Variants in PAK1 observed in about 807,000 individuals in gnomAD.
PAK1 encodes the protein p21 (RAC1) activated kinase 1.
PAK1 carries 29 observed loss-of-function variants against 67.4 expected under a neutral mutation model. The observed-to-expected ratio is 0.43, with a 90% CI of 0.32 to 0.59. The LOEUF is 0.59. Among genes scored for constraint, PAK1 ranks in the 20% least tolerant of loss-of-function variants. The probability of loss-of-function intolerance (pLI) is 0.07; values close to 1 mark genes in which losing one functional copy is unlikely to be tolerated. For missense variants in PAK1, 337 were observed against 670.7 expected (o/e 0.50, Z 5.50); for synonymous variants, 223 against 237.4 (o/e 0.94, Z 0.56).
At chr11:77,355,013 T>C (rs1484238208) in intron 7 of PAK1, among the ~76,000 whole-genome samples, 1 of 152,106 alleles carries the variant, frequency 6.6e-6, no homozygotes, top group Non-Finnish European at 1.5e-5. Flanking sequence ...GGCAGTATGC[T>C]CTACTTACAG....
the PAK1 span, among the ~76,000 whole-genome samples, chr11:77,514,323 A>G: frequency 6.6e-6 from 1 of 151,996 alleles, no homozygotes; most frequent in Non-Finnish European, 1.5e-5. Flanking sequence ...GTGAAACCTC[A>G]TCTCTACTGA....
In PAK1 at chr11:77,358,748, C is replaced by CCTTTAGTCAAGGTA. The variant is rs1345798987; in HGVS notation, c.597+136_597+149dup. 5 of 743,950 alleles carry CCTTTAGTCAAGGTA rather than the reference C, an allele frequency of 6.7e-6. No homozygotes were observed. The Admixed American group carries it at 1.2e-4, about 17-fold the overall frequency. The allele number at this position is 743,950 out of a possible 1,614,324, so 46.1% of individuals were successfully genotyped here. ...TTTGTCTTTAATCATACAGAAAGTA[C>CCTTTAGTCAAGGTA]CTTTAGTCAAGGTAGTTCAGTGATT... On this transcript the variant is annotated intron_variant, in intron 6 of 14. Transcript: ENST00000356341.
At chr11:77,415,636 T>C (rs1376974135) in intron 1 of PAK1, among the ~76,000 whole-genome samples, 1 of 151,856 alleles carries the variant, frequency 6.6e-6, no homozygotes, top group African/African-American at 2.4e-5. Flanking sequence ...ACAGTACATA[T>C]GTAAAGGGCA....
intron 11 of PAK1, 143 bp from the exon 12 acceptor site, chr11:77,337,566 C>T: frequency 2.2e-6 from 1 of 461,688 alleles, no homozygotes. Context: ...TGCCCCAAAT[C>T]AATCGCAGAG....
At chr11:77,421,346 T>C (rs181409410) in intron 1 of PAK1, among the ~76,000 whole-genome samples, 355 of 152,344 alleles carry the variant, frequency 2.3e-3, no homozygotes, top group Non-Finnish European at 3.8e-3. Context: ...CCTTCAAGTC[T>C]CTGCTGAAAT....
chr11:77,529,643 G>A, the PAK1 span, among the ~76,000 whole-genome samples: 2 of 152,198 alleles, frequency 1.3e-5, no homozygotes, highest in Non-Finnish European at 2.9e-5. Flanking sequence ...ATGCCCAGAA[G>A]GCTCTTGGAA....
intron 6 of PAK1, 182 bp from the exon 7 acceptor site, chr11:77,356,024 T>G (rs912669037): frequency 1.9e-6 from 1 of 529,032 alleles, no homozygotes; most frequent in African/African-American, 1.9e-5. Flanking sequence ...AAAATGGCCT[T>G]CCTTACTCTC....
At chr11:77,483,419 C>G in the PAK1 span, among the ~76,000 whole-genome samples, 6 of 152,126 alleles carry the variant, frequency 3.9e-5, no homozygotes, top group African/African-American at 1.4e-4. Context: ...TTTAGCACAC[C>G]AGTCTATCAA....
At chr11:77,332,696 T>C (rs1941927819) in intron 14 of PAK1, 34 bp downstream of exon 14, 1 of 1,592,184 alleles carries the variant, frequency 6.3e-7, no homozygotes. Flanking sequence ...AGTGATTCCC[T>C]GAATTAGGTG....
intron 1 of PAK1, among the ~76,000 whole-genome samples, chr11:77,446,502 A>T (rs1385968691): frequency 8.0e-6 from 1 of 124,756 alleles, no homozygotes; most frequent in Admixed American, 8.9e-5. Context: ...AAACAGCGAG[A>T]CCCTGTCTCA....
the PAK1 span, among the ~76,000 whole-genome samples, chr11:77,488,932 A>C: frequency 6.6e-6 from 1 of 152,206 alleles, no homozygotes; most frequent in South Asian, 2.1e-4. Flanking sequence ...AGATATCAAT[A>C]TTCAAGTACA....
intron 1 of PAK1, among the ~76,000 whole-genome samples, chr11:77,445,559 G>A (rs1450051627): frequency 2.0e-5 from 3 of 152,148 alleles, no homozygotes; most frequent in Non-Finnish European, 4.4e-5. Context: ...AAGGTATTCA[G>A]GAAACATTTG....
Position 77,462,143 on chromosome 11 carries a change from G to A in PAK1, c.-22+11409C>T, listed in dbSNP as rs181979560. Among the ~76,000 whole-genome samples, 574 of 151,916 alleles carry A rather than the reference G, an allele frequency of 3.8e-3. 6 individuals are homozygous for A. Among genetic ancestry groups the A allele is most frequent in the African/African-American group, 0.013 (535 of 41,418 alleles). ...AGATCGAGACCATCCTGGCTAACAC[G>A]GTGAAACCCCTTCTCTACTAAAAAT... On this transcript the variant is annotated intron_variant, in intron 1 of 14. Transcript: ENST00000356341.
intron 1 of PAK1, among the ~76,000 whole-genome samples, chr11:77,452,047 ACTACGTT>A (rs1304198477): frequency 2.0e-5 from 3 of 152,226 alleles, no homozygotes; most frequent in Non-Finnish European, 1.5e-5. Context: ...CAAAGAAAAA[ACTACGTT>A]CACAGAAATT....
chr11:77,468,777 C>T (rs1957715969), intron 1 of PAK1, among the ~76,000 whole-genome samples: 1 of 152,056 alleles, frequency 6.6e-6, no homozygotes, highest in South Asian at 2.1e-4. Context: ...GTTTAAAAGG[C>T]AATATGTTAT....
chr11:77,410,252 C>A (rs1037027124), intron 1 of PAK1, among the ~76,000 whole-genome samples: 1 of 152,182 alleles, frequency 6.6e-6, no homozygotes, highest in Non-Finnish European at 1.5e-5. Context: ...CATTCTTGCT[C>A]TCCTCCCACT....
intron 1 of PAK1, among the ~76,000 whole-genome samples, chr11:77,398,880 G>T (rs1179458838): frequency 1.3e-5 from 2 of 152,150 alleles, no homozygotes; most frequent in Admixed American, 6.5e-5. Context: ...GTCAAATCTA[G>T]CCAATGGCAA....
At chr11:77,399,304 CA>C (rs1174614196) in intron 1 of PAK1, among the ~76,000 whole-genome samples, 1 of 152,078 alleles carries the variant, frequency 6.6e-6, no homozygotes, top group African/African-American at 2.4e-5. Context: ...TAGAACAGTA[CA>C]AACAGTAAAA....
chr11:77,420,586 C>A (rs995069942), intron 1 of PAK1, among the ~76,000 whole-genome samples: 2 of 152,212 alleles, frequency 1.3e-5, no homozygotes, highest in Non-Finnish European at 2.9e-5. Context: ...TCAGCCCCCA[C>A]AAGCATCCAT....
Sources: gnomAD v4.1 joint callset for allele counts (sites outside exome capture counted in the v4.1 genomes callset) on GRCh38, gnomAD v4.1.1 for gene constraint, MANE v1.5 for transcripts, NCBI Gene and HGNC (gene_info 2026-07-23, HGNC 2026-07-21) for gene names.